SCMH1: variants seen among roughly 807,000 people sequenced by gnomAD.
SCMH1 encodes polycomb protein SCMH1.
SCMH1 carries 37 observed loss-of-function variants against 70.8 expected under a neutral mutation model. That is an observed-to-expected ratio of 0.52 (90% confidence interval 0.40 to 0.69). The LOEUF (loss-of-function observed/expected upper bound fraction) is 0.69. Among genes scored for constraint, SCMH1 ranks in the 30% least tolerant of loss-of-function variants. The pLI, the probability that SCMH1 is intolerant of heterozygous loss-of-function variation, is 0.00. For synonymous variants in SCMH1, 292 were observed against 307.4 expected, an observed-to-expected ratio of 0.95 and a Z score of 0.52; for missense variants, 607 against 827.3, an observed-to-expected ratio of 0.73 and a Z score of 3.27.
At chr1:41,168,214 T>A (rs1394237486) in intron 2 of SCMH1, among the ~76,000 whole-genome samples, 1 of 152,148 alleles carries the variant, frequency 6.6e-6, no homozygotes, top group African/African-American at 2.4e-5. Context: ...TTTTCTGACA[T>A]AATTTCTTTG....
At chr1:41,197,928 GATA>G (rs552344572) in intron 1 of SCMH1, among the ~76,000 whole-genome samples, 13 of 152,174 alleles carry the variant, frequency 8.5e-5, no homozygotes, top group African/African-American at 3.1e-4. Flanking sequence ...TCCTTTTCTG[GATA>G]ATGTTACTAT....
chr1:41,096,155 G>A (rs778528342), intron 8 of SCMH1, among the ~76,000 whole-genome samples: 16 of 152,264 alleles, frequency 1.1e-4, no homozygotes, highest in Non-Finnish European at 2.2e-4. Flanking sequence ...AACAGACACT[G>A]AACTTTTATG....
chr1:41,039,997 A>G (rs1645902463), intron 12 of SCMH1, among the ~76,000 whole-genome samples: 1 of 151,914 alleles, frequency 6.6e-6, no homozygotes, highest in Non-Finnish European at 1.5e-5. Context: ...AAAACAAAAC[A>G]AACTTTGAAA....
intron 4 of SCMH1, among the ~76,000 whole-genome samples, chr1:41,154,530 T>C (rs1390125888): frequency 6.6e-6 from 1 of 152,190 alleles, no homozygotes; most frequent in East Asian, 1.9e-4. Context: ...TGTTAAATGT[T>C]AGGGGAACAA....
chr1:41,030,847 A>G (rs1315290182), intron 13 of SCMH1, among the ~76,000 whole-genome samples: 1 of 152,236 alleles, frequency 6.6e-6, no homozygotes, highest in Non-Finnish European at 1.5e-5. Flanking sequence ...TTAGATAAAT[A>G]ATGATCACAG....
At chr1:41,143,499 C>T (rs1331909307) in intron 5 of SCMH1, among the ~76,000 whole-genome samples, 1 of 152,058 alleles carries the variant, frequency 6.6e-6, no homozygotes, top group African/African-American at 2.4e-5. Context: ...TGGAATATTT[C>T]AGTATATTGG....
intron 8 of SCMH1, among the ~76,000 whole-genome samples, chr1:41,091,419 A>C (rs749148172): frequency 2.0e-5 from 3 of 152,226 alleles, no homozygotes; most frequent in Non-Finnish European, 4.4e-5. Context: ...ACAAACCCAC[A>C]GCCAATATCA....
chr1:41,167,049 T>C (rs181664727), intron 2 of SCMH1, among the ~76,000 whole-genome samples: 14 of 152,248 alleles, frequency 9.2e-5, no homozygotes, highest in African/African-American at 3.4e-4. Context: ...GTTTTCATCA[T>C]GAAAGGATGT....
At chr1:41,215,178 C>T (rs1394160247) in intron 1 of SCMH1, among the ~76,000 whole-genome samples, 1 of 152,160 alleles carries the variant, frequency 6.6e-6, no homozygotes, top group Non-Finnish European at 1.5e-5. Context: ...CTAAGTCATG[C>T]TTTTTGCAGT....
intron 8 of SCMH1, among the ~76,000 whole-genome samples, chr1:41,093,120 A>G (rs1489512071): frequency 1.8e-4 from 28 of 152,016 alleles, no homozygotes; most frequent in Admixed American, 1.8e-3. Flanking sequence ...CTTGGAACCA[A>G]CCCAAATGTC....
At chr1:41,085,469 C>T (rs1353771654) in intron 8 of SCMH1, among the ~76,000 whole-genome samples, 1 of 152,122 alleles carries the variant, frequency 6.6e-6, no homozygotes, top group African/African-American at 2.4e-5. Flanking sequence ...GTACTGATAC[C>T]TACTAGCTCC....
At chr1:41,230,238 G>A (rs2148897116) in intron 1 of SCMH1, among the ~76,000 whole-genome samples, 1 of 152,272 alleles carries the variant, frequency 6.6e-6, no homozygotes, top group South Asian at 2.1e-4. Context: ...TGATATAATG[G>A]TCCAAAAGAA....
At chr1:41,145,142 A>T (rs213750) in intron 5 of SCMH1, among the ~76,000 whole-genome samples, 129,374 of 152,164 alleles carry the variant, frequency 0.85, 55,507 homozygotes, top group East Asian at 0.97. Context: ...TGGTGTTATA[A>T]TATCTAATCC....
intron 1 of SCMH1, among the ~76,000 whole-genome samples, chr1:41,240,702 A>G (rs895486881): frequency 6.6e-6 from 1 of 152,138 alleles, no homozygotes; most frequent in Non-Finnish European, 1.5e-5. Flanking sequence ...TCCACAAAAT[A>G]AGATGTCTTT....
chr1:41,235,600 A>T (rs1263334450), intron 1 of SCMH1, among the ~76,000 whole-genome samples: 1 of 150,558 alleles, frequency 6.6e-6, no homozygotes, highest in African/African-American at 2.4e-5. Context: ...AAAAAAAGAA[A>T]AGTTCAGATA....
chr1:41,217,290 A>G (rs1658298798), intron 1 of SCMH1, among the ~76,000 whole-genome samples: 1 of 152,340 alleles, frequency 6.6e-6, no homozygotes, highest in South Asian at 2.1e-4. Context: ...CAAGTGATAA[A>G]CTTGGACATT....
rs181468043 is a variant in SCMH1, at chr1:41,207,692, T to C, written c.-117-21442A>G. Among the ~76,000 whole-genome samples the C allele has an allele frequency of 4.6e-5, 7 of 152,318 alleles. No individual in the cohort carries two copies. In the East Asian group the frequency reaches 9.6e-4, roughly 21 times the overall value. On this transcript the variant is annotated intron_variant, in intron 1 of 14. Transcript: ENST00000337495. ...TCAGCTCTGCACCAAGCAGACCTAA[T>C]AGACATCTACAGAACTCTCCACTCC...
intron 1 of SCMH1, among the ~76,000 whole-genome samples, chr1:41,225,271 A>G (rs1660041944): frequency 6.6e-6 from 1 of 152,218 alleles, no homozygotes; most frequent in Non-Finnish European, 1.5e-5. Flanking sequence ...TTCAACTCTT[A>G]GTATATATGT....
chr1:41,168,109 G>A (rs890865256), intron 2 of SCMH1, among the ~76,000 whole-genome samples: 4 of 151,628 alleles, frequency 2.6e-5, no homozygotes, highest in Non-Finnish European at 4.4e-5. Flanking sequence ...GATCTTTTCG[G>A]GTTCATCTTA....
Sources: gnomAD v4.1 joint callset for allele counts (sites outside exome capture counted in the v4.1 genomes callset) on GRCh38, gnomAD v4.1.1 for gene constraint, MANE v1.5 for transcripts, NCBI Gene and HGNC (gene_info 2026-07-23, HGNC 2026-07-21) for gene names.